The following MAPK8IP2 variants were observed in gnomAD, a reference collection of about 807,000 sequenced individuals.
MAPK8IP2 encodes the protein C-Jun-amino-terminal kinase-interacting protein 2.
Under a neutral mutation model 75.6 loss-of-function variants are expected in MAPK8IP2, and 15 were observed. The observed-to-expected ratio is 0.20, with a 90% CI of 0.13 to 0.31. MAPK8IP2 has a LOEUF of 0.31. MAPK8IP2 is among the 10% of genes least tolerant of loss of function. The pLI is 1.00. For synonymous variants in MAPK8IP2, 632 were observed against 554.5 expected (o/e 1.14, Z -1.96); for missense variants, 1,089 against 1,211.2 (o/e 0.90, Z 1.50).
rs1262739005 is a variant in MAPK8IP2, at chr22:50,607,809, C to T, written c.2303+818C>T. ...GAGACCTGGAGGGAAGATACCAGGT[C>T]AGAGCAGGTAGATCACTGAGACGAG... On this transcript the variant is annotated intron_variant, in intron 10 of 11. Coordinates refer to ENST00000329492, the MANE Select transcript of MAPK8IP2 (RefSeq NM_012324.6). The surrounding 1 kb of genome is among the most constrained non-coding windows in gnomAD (Gnocchi z 5.6). Among the ~76,000 whole-genome samples the T allele has an allele frequency of 6.6e-6, 1 of 151,820 alleles. No homozygotes were observed. Among genetic ancestry groups the T allele is most frequent in the Non-Finnish European group, 1.5e-5 (1 of 67,994 alleles).
rs1476082565 is a variant in MAPK8IP2 at position 50,611,952 on chromosome 22, A to G, written c.*1173A>G. 1 of 152,104 alleles carries G rather than the reference A, an allele frequency of 6.6e-6. No individual in the cohort carries two copies. Among genetic ancestry groups the G allele is most frequent in the Non-Finnish European group, 1.5e-5 (1 of 68,064 alleles). The allele number at this position is 152,104 out of a possible 1,614,324, so 9.4% of individuals were successfully genotyped here. ...TTGGGAGGCCGAGCCGGGGCGTATC[A>G]CCTGAGGTCAGGAGTTTGAGACCAG... On this transcript the variant is annotated 3_prime_UTR_variant, in exon 12 of 12. Transcript: ENST00000329492. The surrounding 1 kb of genome is among the most constrained non-coding windows in gnomAD (Gnocchi z 5.5).
intron 2 of MAPK8IP2, 190 bp from the exon 3 acceptor site, chr22:50,603,033 C>T: frequency 7.8e-7 from 1 of 1,276,936 alleles, no homozygotes; most frequent in Non-Finnish European, 1.1e-6. Context: ...AGGCCCTTCC[C>T]AAGAACTGGA....
chr22:50,608,053 C>T (rs1460180768), intron 10 of MAPK8IP2, among the ~76,000 whole-genome samples: 1 of 152,136 alleles, frequency 6.6e-6, no homozygotes, highest in African/African-American at 2.4e-5. Flanking sequence ...GGCTCACAGA[C>T]AGGCAAGACA....
rs2071078011 is a variant in MAPK8IP2 at position 50,607,942 on chromosome 22, C to T, written c.2303+951C>T. On this transcript the variant is annotated intron_variant, in intron 10 of 11. Transcript: ENST00000329492. The surrounding 1 kb of genome is among the most constrained non-coding windows in gnomAD (Gnocchi z 5.6). ...CTTCCCTCCAGGCACAGGCCCCTGCCCTCTGTGTCCCAGCACCCTAGAGGA... is the reference window on the plus strand; with the variant it reads ...CTTCCCTCCAGGCACAGGCCCCTGCTCTCTGTGTCCCAGCACCCTAGAGGA... Among the ~76,000 whole-genome samples, 1 of 152,120 alleles carries T rather than the reference C, an allele frequency of 6.6e-6. No individual in the cohort carries two copies. The highest frequency in any genetic ancestry group is 2.4e-5 in the African/African-American group (1 of 41,418).
chr22:50,607,135 G>A lies in MAPK8IP2; in HGVS notation c.2303+144G>A. The A allele has an allele frequency of 5.8e-6, 4 of 686,372 alleles. No individual in the cohort carries two copies. In the South Asian group the frequency reaches 6.6e-5, roughly 11 times the overall value. The allele number at this position is 686,372 out of a possible 1,614,324, so 42.5% of individuals were successfully genotyped here. A position where few individuals can be genotyped will look rare whatever the true frequency, so the allele number is the denominator to read the frequency against. On this transcript the variant is annotated intron_variant, in intron 10 of 11. Transcript: ENST00000329492. The surrounding 1 kb of genome is among the most constrained non-coding windows in gnomAD (Gnocchi z 5.6). ...CTGCACCCACTTAGCTCTGTGAGCT[G>A]AGCCTGCAGTGGCGCCTGCTCTGAG...
At chr22:50,603,603 G>A in intron 3 of MAPK8IP2, 23 bp from the exon 4 acceptor site, 3 of 1,585,766 alleles carry the variant, frequency 1.9e-6, no homozygotes, top group African/African-American at 1.3e-5. Flanking sequence ...CCTCAGGACC[G>A]CCGTCATGTA....
chr22:50,607,589 G>C lies in MAPK8IP2; in HGVS notation c.2303+598G>C, dbSNP rs1303750733. ...ATGTCCTGAGACCAAGTGTGCAGAT[G>C]CAAGAGGCACTGAAGAGGCAGTACA... On this transcript the variant is annotated intron_variant, in intron 10 of 11. Transcript: ENST00000329492. This position sits in a 1 kb window ranked among gnomAD's most constrained non-coding sequence, Gnocchi z 5.6. Among the ~76,000 whole-genome samples the C allele has an allele frequency of 1.3e-5, 2 of 152,114 alleles. No individual in the cohort carries two copies. The highest frequency in any genetic ancestry group is 2.9e-5 in the Non-Finnish European group (2 of 67,998).
chr22:50,606,540 C>T (rs2071053401), intron 8 of MAPK8IP2, 118 bp from the exon 9 acceptor site: 3 of 754,820 alleles, frequency 4.0e-6, no homozygotes, highest in Middle Eastern at 2.3e-4. Flanking sequence ...TCTCAGGGTC[C>T]TCAGCATGTG....
chr22:50,603,771 G>C, intron 4 of MAPK8IP2, 52 bp downstream of exon 4: 1 of 1,542,772 alleles, frequency 6.5e-7, no homozygotes, highest in Non-Finnish European at 8.8e-7. Flanking sequence ...GGAGGGCAGG[G>C]AGGATGGACT....
chr22:50,610,607 G>A lies in MAPK8IP2; in HGVS notation c.2403-100G>A, dbSNP rs543947389. ...CCTGGGTGGGGGGTTATGGATGGCT[G>A]CAGAGGGAGGAAGGAGGGAGAGCTC... On this transcript the variant is annotated intron_variant, in intron 11 of 11. Transcript: ENST00000329492. The surrounding 1 kb of genome is among the most constrained non-coding windows in gnomAD (Gnocchi z 4.3). 2.1e-6 allele frequency: 2 copies of A among 964,530 alleles called. No homozygotes were observed. The highest frequency in any genetic ancestry group is 1.4e-5 in the South Asian group (1 of 69,526). The allele number at this position is 964,530 out of a possible 1,614,324, so 59.7% of individuals were successfully genotyped here.
At position 50,611,202 on chromosome 22, in the gene MAPK8IP2, C is replaced by T. The variant is rs903951068; in HGVS notation, c.*423C>T. 32 of 167,490 alleles carry T rather than the reference C, an allele frequency of 1.9e-4. No homozygotes were observed. Among genetic ancestry groups the T allele is most frequent in the African/African-American group, 4.0e-4 (17 of 42,192 alleles). The allele number at this position is 167,490 out of a possible 1,614,324, so 10.4% of individuals were successfully genotyped here. A position where few individuals can be genotyped will look rare whatever the true frequency, so the allele number is the denominator to read the frequency against. On this transcript the variant is annotated 3_prime_UTR_variant, in exon 12 of 12. Transcript: ENST00000329492. This position sits in a 1 kb window ranked among gnomAD's most constrained non-coding sequence, Gnocchi z 5.5. ...GTGATGCCCTCCTGCCACTCCCCTG[C>T]GATTTATAAGGGAATTTTAATTTTT...
rs764834740 is a variant in MAPK8IP2 at position 50,604,075 on chromosome 22, C to T, written c.776C>T (p.Ala259Val). ...TCGCCCGGCTCCGACTCGGAGGACG[C>T]GGGCGGCGCGCGCCTGGGGCGCATG... ...LSSPGSDSED[A>V]GGARLGRMIS... is the part of the protein sequence containing the mutation. Residue 259 changes from alanine to valine, a missense_variant, in exon 5 of 12, where the codon GCG becomes GTG. Ala to Val is a moderately conservative substitution (Grantham distance 64). Coordinates refer to ENST00000329492, the MANE Select transcript of MAPK8IP2 (RefSeq NM_012324.6). 5.8e-6 allele frequency: 9 copies of T among 1,542,584 alleles called. No individual in the cohort carries two copies. The highest frequency in any genetic ancestry group is 7.8e-6 in the Non-Finnish European group (9 of 1,152,702).
rs372696630 is a variant in MAPK8IP2, at chr22:50,609,429, G to A, written c.2304-783G>A. Among the ~76,000 whole-genome samples, 21 of 152,268 alleles carry A rather than the reference G, an allele frequency of 1.4e-4. No homozygotes were observed. The East Asian group carries it at 3.3e-3, about 24-fold the overall frequency. On this transcript the variant is annotated intron_variant, in intron 10 of 11. Coordinates refer to ENST00000329492, the MANE Select transcript of MAPK8IP2 (RefSeq NM_012324.6). ...ATGCAGGAAGCCAGATCTGTGGGTC[G>A]GCGCTTATTACCATCATGACTTGAA...
chr22:50,601,006 G>A (rs1603444187), intron 1 of MAPK8IP2, 123 bp downstream of exon 1: 1 of 143,124 alleles, frequency 7.0e-6, no homozygotes, highest in Non-Finnish European at 1.2e-5. Context: ...ACCCGGCCCC[G>A]GCCCCCTGCG....
chr22:50,611,428 T>C lies in MAPK8IP2; in HGVS notation c.*649T>C, dbSNP rs1433118675. On this transcript the variant is annotated 3_prime_UTR_variant, in exon 12 of 12. Coordinates refer to ENST00000329492, the MANE Select transcript of MAPK8IP2 (RefSeq NM_012324.6). This position sits in a 1 kb window ranked among gnomAD's most constrained non-coding sequence, Gnocchi z 5.5. ...AGGGGGGGCCCTCCTGGGCCCCCAA[T>C]ACCCCTCCGCTTGCCGCTGCTAGCG... 6.6e-6 allele frequency: 1 copy of C among 152,204 alleles called. No homozygotes were observed. Among genetic ancestry groups the C allele is most frequent in the African/African-American group, 2.4e-5 (1 of 41,442 alleles). 9.4% of individuals were successfully genotyped at this position (152,204 alleles called of 1,614,324 possible). A position where few individuals can be genotyped will look rare whatever the true frequency, so the allele number is the denominator to read the frequency against.
Position 50,604,030 on chromosome 22 carries a change from G to T in MAPK8IP2, c.731G>T (p.Arg244Leu). 1 of 1,549,302 alleles carries T rather than the reference G, an allele frequency of 6.5e-7. No homozygotes were observed. The highest frequency in any genetic ancestry group is 8.7e-7 in the Non-Finnish European group (1 of 1,155,792). Residue 244 changes from arginine (R) to leucine (L), a missense_variant, in exon 5 of 12, where the codon CGC (arginine) becomes CTC (leucine). By Grantham distance (102) the Arg-to-Leu change is moderately radical (BLOSUM62 -2). This residue lies in a region of MAPK8IP2 where 960 missense variants were observed against 1,009.6 expected (regional missense o/e 0.95). Transcript: ENST00000329492. ...TCGAGCGGCGGCCGCGGGGGACGTC[G>T]CAGCAGCCAGGAGCTGTCCTCGCCC... ...SRSSGGRGGR[R>L]SSQELSSPGS...
chr22:50,609,604 G>C, intron 10 of MAPK8IP2: 4 of 371,938 alleles, frequency 1.1e-5, no homozygotes, highest in South Asian at 7.8e-5. Context: ...TTTCAGGGGT[G>C]GGGGTGGGGC....
At chr22:50,603,574 C>T (rs1203037194) in intron 3 of MAPK8IP2, 52 bp from the exon 4 acceptor site, 14 of 1,582,110 alleles carry the variant, frequency 8.8e-6, no homozygotes, top group Non-Finnish European at 1.2e-5. Context: ...GCCCTGCTCA[C>T]CCCCTGGGAG....
chr22:50,601,483 ACCCTGACCCCAGGGG>A, intron 1 of MAPK8IP2: 2 of 319,126 alleles, frequency 6.3e-6, no homozygotes, highest in South Asian at 4.0e-5. Flanking sequence ...GCTCTGCAAG[ACCCTGACCCCAGGGG>A]CCTGGAGCTG....
Sources: allele counts gnomAD v4.1 joint callset (sites outside exome capture counted in the v4.1 genomes callset), GRCh38; gene constraint gnomAD v4.1.1; regional missense constraint gnomAD v4.1.1; non-coding constraint Gnocchi (gnomAD v3.1); transcripts MANE v1.5; gene names NCBI Gene and HGNC (gene_info 2026-07-23, HGNC 2026-07-21).